The following YY1 variants were observed in gnomAD, a reference collection of about 807,000 sequenced individuals.
YY1 encodes the protein YY1 transcription factor.
YY1 carries 2 observed loss-of-function variants against 35.6 expected under a neutral mutation model. That is an observed-to-expected ratio of 0.06 (90% CI 0.02 to 0.18). The LOEUF (loss-of-function observed/expected upper bound fraction) is 0.18. Among genes scored for constraint, YY1 ranks in the 10% least tolerant of loss-of-function variants. The pLI is 1.00. For missense variants in YY1, 322 were observed against 573.4 expected, an observed-to-expected ratio of 0.56 and a Z score of 4.48; for synonymous variants, 268 against 238.9, an observed-to-expected ratio of 1.12 and a Z score of -1.12.
At chr14:100,242,196 A>C (rs1352544352) in intron 1 of YY1, among the ~76,000 whole-genome samples, 1 of 152,160 alleles carries the variant, frequency 6.6e-6, no homozygotes, top group Non-Finnish European at 1.5e-5. Context: ...TTATCTTAAC[A>C]AATTGCTGGT....
chr14:100,257,275 CTT>C (rs1398717943), intron 1 of YY1, among the ~76,000 whole-genome samples: 2 of 152,202 alleles, frequency 1.3e-5, no homozygotes, highest in Non-Finnish European at 2.9e-5. Context: ...AGAGCAGATA[CTT>C]TGTTTCTAGC....
intron 1 of YY1, among the ~76,000 whole-genome samples, chr14:100,251,558 A>G (rs1466398670): frequency 6.6e-6 from 1 of 152,270 alleles, no homozygotes; most frequent in African/African-American, 2.4e-5. Flanking sequence ...TTCATTCTGC[A>G]GGAACTTGGC....
At chr14:100,261,906 T>C (rs1595326404) in intron 1 of YY1, among the ~76,000 whole-genome samples, 1 of 151,970 alleles carries the variant, frequency 6.6e-6, no homozygotes, top group East Asian at 1.9e-4. Flanking sequence ...ACGAGGACTT[T>C]AGGAGGCCAA....
chr14:100,277,555 G>T lies in YY1; in HGVS notation c.1200G>T (p.Leu400=), dbSNP rs778350891. 6.2e-7 allele frequency: 1 copy of T among 1,614,198 alleles called. No individual in the cohort carries two copies. ...AGAAGTTTGCTCAGTCAACTAACCT[G>T]AAATCTCACATCTTAACACATGCTA... The part of the protein sequence containing the change: ...CNKKFAQSTN[L]KSHILTHAKA... Residue 400 remains leucine, a synonymous_variant, in exon 5 of 5, where the codon CTG becomes CTT. Transcript: ENST00000262238. The surrounding 1 kb of genome is among the most constrained non-coding windows in gnomAD (Gnocchi z 5.6).
chr14:100,239,181 TCGCCCGCC>T lies in YY1; in HGVS notation c.-56_-49del. 1 of 1,236,618 alleles carries T rather than the reference TCGCCCGCC, an allele frequency of 8.1e-7. No individual in the cohort carries two copies. Among genetic ancestry groups the T allele is most frequent in the Non-Finnish European group, 1.0e-6 (1 of 992,192 alleles). The allele number at this position is 1,236,618 out of a possible 1,614,324, so 76.6% of individuals were successfully genotyped here. A position where few individuals can be genotyped will look rare whatever the true frequency, so the allele number is the denominator to read the frequency against. Reference sequence around the variant, plus strand: ...TCCTTCCCCACGGCCGGCCGCCTCCTCGCCCGCCCGCCCGCAGCCGAGGAGCCGAGGCC... The same window carrying T: ...TCCTTCCCCACGGCCGGCCGCCTCCTCGCCCGCAGCCGAGGAGCCGAGGCC... On this transcript the variant is annotated 5_prime_UTR_variant, in exon 1 of 5. Coordinates refer to ENST00000262238, the MANE Select transcript of YY1 (RefSeq NM_003403.5).
At chr14:100,251,765 C>G (rs969898255) in intron 1 of YY1, among the ~76,000 whole-genome samples, 5 of 152,112 alleles carry the variant, frequency 3.3e-5, no homozygotes, top group Non-Finnish European at 4.4e-5. Context: ...GTCCCTTCCT[C>G]CCCTCCCCTC....
rs1239461410 is a variant in YY1, at chr14:100,282,534, C to G, written c.*4934C>G. 6.6e-6 allele frequency: 1 copy of G among 152,198 alleles called. No individual in the cohort carries two copies. Among genetic ancestry groups the G allele is most frequent in the Admixed American group, 6.5e-5 (1 of 15,280 alleles). The allele number at this position is 152,198 out of a possible 1,614,324, so 9.4% of individuals were successfully genotyped here. A position where few individuals can be genotyped will look rare whatever the true frequency, so the allele number is the denominator to read the frequency against. ...GTTTTTATTCGCTTTCTGGTAACTT[C>G]TGTAGGCCCTGGCTCAAGGACTTAG... On this transcript the variant is annotated 3_prime_UTR_variant, in exon 5 of 5. Coordinates refer to ENST00000262238, the MANE Select transcript of YY1 (RefSeq NM_003403.5).
intron 2 of YY1, among the ~76,000 whole-genome samples, chr14:100,266,540 A>G (rs943735040): frequency 6.6e-6 from 1 of 152,096 alleles, no homozygotes; most frequent in Non-Finnish European, 1.5e-5. Context: ...TGAGCAGAAA[A>G]TCCAGGGACA....
Position 100,276,892 on chromosome 14 carries a change from CAGG to C in YY1, c.1062+250_1062+252del, listed in dbSNP as rs1307293197. 226 of 559,480 alleles carry C rather than the reference CAGG, an allele frequency of 4.0e-4. 2 individuals carry two copies. The South Asian group carries it at 4.5e-3, about 11-fold the overall frequency. The allele number at this position is 559,480 out of a possible 1,614,324, so 34.7% of individuals were successfully genotyped here. On this transcript the variant is annotated intron_variant, in intron 4 of 4. Coordinates refer to ENST00000262238, the MANE Select transcript of YY1 (RefSeq NM_003403.5). This position sits in a 1 kb window ranked among gnomAD's most constrained non-coding sequence, Gnocchi z 4.1. ...GGTGTTGATGGAGTACACTTTATGG[CAGG>C]AGGAGAACAGGATTGAAGAGCATAC...
intron 2 of YY1, among the ~76,000 whole-genome samples, chr14:100,272,954 GTTTTTTTT>G (rs1555370707): frequency 5.0e-5 from 7 of 141,202 alleles, no homozygotes; most frequent in African/African-American, 1.3e-4. Flanking sequence ...GTTTTTTGTT[GTTTTTTTT>G]TTGTTTTTTT....
rs1555369516 is a variant in YY1, at chr14:100,249,760, G to GTTGTTTTTGTT, written c.679+9839_679+9840insGTTTTTGTTTT. ...TTTGCTACTTACCGTTTTTTTTTTT[G>GTTGTTTTTGTT]TTTGTTTTTGTTTTTGTTTTTGTTT... is the stretch of plus-strand genomic sequence containing the variant. On this transcript the variant is annotated intron_variant, in intron 1 of 4. Transcript: ENST00000262238. Among the ~76,000 whole-genome samples, 5 of 143,052 alleles carry GTTGTTTTTGTT rather than the reference G, an allele frequency of 3.5e-5. No homozygotes were observed. The South Asian group carries it at 8.9e-4, about 25-fold the overall frequency. 93.8% of individuals were successfully genotyped at this position (143,052 alleles called of 152,430 possible).
chr14:100,275,571 T>G (rs182845031), intron 3 of YY1, among the ~76,000 whole-genome samples: 2 of 152,360 alleles, frequency 1.3e-5, no homozygotes, highest in Admixed American at 1.3e-4. Context: ...TTCTTTATAA[T>G]GGACACATAA....
At position 100,239,617 on chromosome 14, in the gene YY1, G is replaced by A; in HGVS notation, c.373G>A (p.Asp125Asn). Residue 125 changes from aspartate to asparagine, a missense_variant, in exon 1 of 5, where the codon GAC (aspartate) becomes AAC (asparagine). Asp to Asn is a conservative substitution (Grantham distance 23). Transcript: ENST00000262238. ...CGACTCGGACGGGCTGCGCGCCGAG[G>A]ACGGCTTCGAGGATCAGATTCTCAT... ...GDDSDGLRAE[D>N]GFEDQILIPV... The A allele has an allele frequency of 1.9e-6, 3 of 1,612,034 alleles. No homozygotes were observed. The highest frequency in any genetic ancestry group is 2.5e-6 in the Non-Finnish European group (3 of 1,179,646).
At chr14:100,256,079 A>G (rs747971013) in intron 1 of YY1, among the ~76,000 whole-genome samples, 21 of 151,878 alleles carry the variant, frequency 1.4e-4, no homozygotes, top group African/African-American at 3.6e-4. Flanking sequence ...TGAGGCTGCA[A>G]TGAGCTATGA....
intron 1 of YY1, among the ~76,000 whole-genome samples, chr14:100,260,846 G>C (rs1164911880): frequency 8.5e-6 from 1 of 117,958 alleles, no homozygotes; most frequent in Non-Finnish European, 1.7e-5. Context: ...AAGTTGCAGT[G>C]ACGCAGTGAC....
chr14:100,260,984 G>A (rs934427868), intron 1 of YY1, among the ~76,000 whole-genome samples: 14 of 149,190 alleles, frequency 9.4e-5, no homozygotes, highest in Non-Finnish European at 1.9e-4. Context: ...TGTGGAGATG[G>A]GGTCTCTCCC....
intron 1 of YY1, among the ~76,000 whole-genome samples, chr14:100,247,383 CTTT>C (rs78485580): frequency 2.2e-5 from 3 of 135,318 alleles, no homozygotes; most frequent in Admixed American, 7.5e-5. Context: ...TTCTTTTTTT[CTTT>C]TTTTTTTTTT....
Position 100,276,081 on chromosome 14 carries a change from G to T in YY1, c.904-409G>T. 1 of 288,342 alleles carries T rather than the reference G, an allele frequency of 3.5e-6. No individual in the cohort carries two copies. Among genetic ancestry groups the T allele is most frequent in the South Asian group, 3.4e-5 (1 of 29,502 alleles). 17.9% of individuals were successfully genotyped at this position (288,342 alleles called of 1,614,324 possible). A position where few individuals can be genotyped will look rare whatever the true frequency, so the allele number is the denominator to read the frequency against. On this transcript the variant is annotated intron_variant, in intron 3 of 4. Transcript: ENST00000262238. This position sits in a 1 kb window ranked among gnomAD's most constrained non-coding sequence, Gnocchi z 4.1. ...GAATATGGGGCCACCAAAGGTAGTG[G>T]TGGACTACCGTCATTTTAACTCCAT... is the stretch of plus-strand genomic sequence containing the variant.
rs531495717 is a variant in YY1 at position 100,270,440 on chromosome 14, G to A, written c.843-4258G>A. Among the ~76,000 whole-genome samples the A allele has an allele frequency of 3.2e-3, 417 of 131,058 alleles. 2 individuals are homozygous for A. Among genetic ancestry groups the A allele is most frequent in the Admixed American group, 6.4e-3 (79 of 12,384 alleles). The allele number at this position is 131,058 out of a possible 152,430, so 86.0% of individuals were successfully genotyped here. ...AGCCTGACCAACATGGTGAAACCCC[G>A]TCTCTACTAAAAATACAAAAAAAAA... On this transcript the variant is annotated intron_variant, in intron 2 of 4. Coordinates refer to ENST00000262238, the MANE Select transcript of YY1 (RefSeq NM_003403.5).
Sources: allele counts gnomAD v4.1 joint callset (sites outside exome capture counted in the v4.1 genomes callset), GRCh38; gene constraint gnomAD v4.1.1; non-coding constraint Gnocchi (gnomAD v3.1); transcripts MANE v1.5; gene names NCBI Gene and HGNC (gene_info 2026-07-23, HGNC 2026-07-21).